ACTR3C: variants seen among roughly 807,000 people sequenced by gnomAD.
ACTR3C encodes actin-related protein 3C.
A neutral mutation model predicts 26.3 loss-of-function variants in ACTR3C; 18 were observed. That is an observed-to-expected ratio of 0.68 (90% CI 0.47 to 1.01). ACTR3C has a LOEUF of 1.01. ACTR3C is among the 50% of genes least tolerant of loss of function. The probability of loss-of-function intolerance (pLI) is 0.00; values close to 1 mark genes in which losing one functional copy is unlikely to be tolerated. For missense variants in ACTR3C, 184 were observed against 250.7 expected (o/e 0.73, Z 1.80); for synonymous variants, 55 against 94.5 (o/e 0.58, Z 2.42).
chr7:150,163,125 G>T, the ACTR3C span, among the ~76,000 whole-genome samples: 5 of 151,358 alleles, frequency 3.3e-5, no homozygotes, highest in Non-Finnish European at 7.4e-5. Flanking sequence ...CTGCACTCCA[G>T]CCTGAGCAAC....
At chr7:150,316,894 CT>C (rs1320027066) in intron 1 of ACTR3C, among the ~76,000 whole-genome samples, 4 of 152,186 alleles carry the variant, frequency 2.6e-5, no homozygotes. Flanking sequence ...CCTCCTGCCC[CT>C]GAACATGATA....
the ACTR3C span, among the ~76,000 whole-genome samples, chr7:150,113,188 C>G: frequency 1.3e-5 from 2 of 150,616 alleles, no homozygotes; most frequent in Non-Finnish European, 2.9e-5. Context: ...GCTGCTCCTA[C>G]GTCAATTTCC....
chr7:149,886,288 T>C, the ACTR3C span, among the ~76,000 whole-genome samples: 2 of 152,186 alleles, frequency 1.3e-5, no homozygotes, highest in East Asian at 1.9e-4. Flanking sequence ...ATAAGTACTA[T>C]GAAAAATACC....
chr7:150,260,699 GA>G (rs1353997324), intron 6 of ACTR3C, among the ~76,000 whole-genome samples: 1 of 152,206 alleles, frequency 6.6e-6, no homozygotes, highest in African/African-American at 2.4e-5. Context: ...TGGCAATCTA[GA>G]AGGGATGCTG....
At chr7:150,040,326 T>C in the ACTR3C span, among the ~76,000 whole-genome samples, 2,167 of 147,424 alleles carry the variant, frequency 0.015, 141 homozygotes, top group African/African-American at 0.053. Context: ...ATCTTTTCTC[T>C]CTCTGACGCA....
chr7:149,911,590 C>G, the ACTR3C span, among the ~76,000 whole-genome samples: 1 of 150,642 alleles, frequency 6.6e-6, no homozygotes, highest in Non-Finnish European at 1.5e-5. Flanking sequence ...TCTGATGGAA[C>G]CAGAAAAAAA....
chr7:150,034,402 C>G, the ACTR3C span, among the ~76,000 whole-genome samples: 1 of 151,586 alleles, frequency 6.6e-6, no homozygotes, highest in African/African-American at 2.4e-5. Context: ...AGGGCTGGGG[C>G]TGCCAGAAGA....
chr7:149,894,518 T>C, the ACTR3C span, among the ~76,000 whole-genome samples: 1 of 151,896 alleles, frequency 6.6e-6, no homozygotes, highest in Non-Finnish European at 1.5e-5. Context: ...AATCAAAATA[T>C]ATAAAGAACT....
At chr7:150,059,412 AT>A in the ACTR3C span, among the ~76,000 whole-genome samples, 105 of 152,344 alleles carry the variant, frequency 6.9e-4, no homozygotes, top group African/African-American at 2.4e-3. Flanking sequence ...ATACCACTGT[AT>A]TTGGGCTTTT....
At chr7:150,037,738 G>A in the ACTR3C span, among the ~76,000 whole-genome samples, 6 of 41,486 alleles carry the variant, frequency 1.4e-4, no homozygotes, top group African/African-American at 2.9e-4. Flanking sequence ...AAGAGGGTCT[G>A]GCTCTCAGTC....
chr7:150,282,279 G>T (rs1835411608), intron 6 of ACTR3C, among the ~76,000 whole-genome samples: 2 of 151,120 alleles, frequency 1.3e-5, no homozygotes, highest in Non-Finnish European at 2.9e-5. Context: ...CAACACGGTG[G>T]TGGAGCCTAC....
At chr7:150,127,541 T>C in the ACTR3C span, among the ~76,000 whole-genome samples, 2 of 151,912 alleles carry the variant, frequency 1.3e-5, no homozygotes, top group African/African-American at 2.4e-5. Context: ...TAATTCTGCA[T>C]GTGACTAATG....
the ACTR3C span, among the ~76,000 whole-genome samples, chr7:150,020,481 C>T: frequency 8.6e-5 from 13 of 151,128 alleles, no homozygotes; most frequent in Admixed American, 7.9e-4. Context: ...TTATTAAGCA[C>T]TGGAGACTGA....
intron 6 of ACTR3C, among the ~76,000 whole-genome samples, chr7:150,265,275 GT>G (rs1203031297): frequency 6.6e-6 from 1 of 150,858 alleles, no homozygotes; most frequent in Non-Finnish European, 1.5e-5. Flanking sequence ...TAACAACCTA[GT>G]TTTTTTAAAT....
the ACTR3C span, among the ~76,000 whole-genome samples, chr7:149,994,519 C>A: frequency 6.6e-5 from 10 of 152,258 alleles, no homozygotes; most frequent in African/African-American, 2.2e-4. Context: ...ATCGCTTGAA[C>A]CCGGGAGGCA....
At chr7:150,111,349 A>C in the ACTR3C span, among the ~76,000 whole-genome samples, 3 of 106,888 alleles carry the variant, frequency 2.8e-5, no homozygotes, top group East Asian at 6.9e-4. Context: ...GACAGCGGCC[A>C]GCCCAGGAGG....
chr7:150,039,004 G>A, the ACTR3C span, among the ~76,000 whole-genome samples: 4 of 50,750 alleles, frequency 7.9e-5, 1 homozygote, highest in African/African-American at 2.3e-4. Flanking sequence ...AGAGCCGGGG[G>A]GCGGGGAAGA....
the ACTR3C span, among the ~76,000 whole-genome samples, chr7:150,172,543 C>A: frequency 6.7e-6 from 1 of 150,340 alleles, no homozygotes; most frequent in African/African-American, 2.5e-5. Flanking sequence ...TGGGTAGGGA[C>A]AGAGCCGAAC....
the ACTR3C span, among the ~76,000 whole-genome samples, chr7:150,067,727 T>G: frequency 2.8e-5 from 3 of 106,456 alleles, no homozygotes; most frequent in Admixed American, 8.2e-5. Flanking sequence ...TAAAGCCACC[T>G]TTAAAGGCAG....
Sources: allele counts gnomAD v4.1 joint callset (sites outside exome capture counted in the v4.1 genomes callset), GRCh38; gene constraint gnomAD v4.1.1; transcripts MANE v1.5; gene names NCBI Gene and HGNC (gene_info 2026-07-23, HGNC 2026-07-21).